AP3B1: variants seen among roughly 807,000 people sequenced by gnomAD.
The protein encoded by AP3B1 is adaptor related protein complex 3 subunit beta 1.
Under a neutral mutation model 132.5 loss-of-function variants are expected in AP3B1, and 61 were observed. The ratio of observed to expected loss-of-function variants is 0.46; its 90% CI spans 0.37 to 0.57. AP3B1 has a LOEUF of 0.57. Among genes scored for constraint, AP3B1 ranks in the 20% least tolerant of loss-of-function variants. The pLI, the probability that AP3B1 is intolerant of heterozygous loss-of-function variation, is 0.00. For missense variants in AP3B1, 1,120 were observed against 1,289.4 expected, an observed-to-expected ratio of 0.87 and a Z score of 2.01; for synonymous variants, 388 against 438.3, an observed-to-expected ratio of 0.89 and a Z score of 1.43.
intron 19 of AP3B1, among the ~76,000 whole-genome samples, chr5:78,113,381 AG>A (rs1172124691): frequency 6.6e-6 from 1 of 152,232 alleles, no homozygotes; most frequent in Non-Finnish European, 1.5e-5. Context: ...AACATTATTT[AG>A]AAAAATCAAT....
intron 2 of AP3B1, among the ~76,000 whole-genome samples, chr5:78,244,960 A>G (rs151218144): frequency 0.015 from 2,250 of 152,084 alleles, 55 homozygotes; most frequent in African/African-American, 0.051. Context: ...GCACCCCTGC[A>G]CTCCAGCGTG....
At chr5:78,192,259 A>C (rs1343797782) in intron 7 of AP3B1, among the ~76,000 whole-genome samples, 1 of 152,182 alleles carries the variant, frequency 6.6e-6, no homozygotes, top group African/African-American at 2.4e-5. Flanking sequence ...AAAAGCAAAA[A>C]TAGGGAATCT....
At chr5:78,129,403 G>T (rs1397022685) in intron 15 of AP3B1, 96 bp from the exon 16 acceptor site, 4 of 1,064,746 alleles carry the variant, frequency 3.8e-6, no homozygotes, top group African/African-American at 1.6e-5. Context: ...AAAATGAATG[G>T]TTATGTCAAA....
chr5:78,120,290 A>G (rs1265488929), intron 17 of AP3B1, among the ~76,000 whole-genome samples: 1 of 152,220 alleles, frequency 6.6e-6, no homozygotes, highest in Non-Finnish European at 1.5e-5. Context: ...TCAACTAACG[A>G]GCAAAATAAC....
intron 15 of AP3B1, among the ~76,000 whole-genome samples, chr5:78,135,316 C>CA (rs1185723728): frequency 6.6e-6 from 1 of 151,758 alleles, no homozygotes; most frequent in Non-Finnish European, 1.5e-5. Flanking sequence ...TGATATTAAG[C>CA]AAAAAAAGTT....
intron 3 of AP3B1, among the ~76,000 whole-genome samples, chr5:78,229,368 G>GT (rs772509650): frequency 7.9e-5 from 12 of 152,142 alleles, no homozygotes; most frequent in Non-Finnish European, 1.5e-4. Context: ...TTTATAGCCT[G>GT]TATCTACCTT....
intron 2 of AP3B1, among the ~76,000 whole-genome samples, chr5:78,258,380 G>A (rs751321376): frequency 1.3e-5 from 2 of 152,160 alleles, no homozygotes; most frequent in Non-Finnish European, 2.9e-5. Context: ...CAAAAGATTT[G>A]AAAAGACGTT....
intron 13 of AP3B1, among the ~76,000 whole-genome samples, chr5:78,162,128 AT>A (rs560335609): frequency 8.4e-4 from 128 of 152,234 alleles, no homozygotes; most frequent in African/African-American, 3.1e-3. Flanking sequence ...AAACAAAATT[AT>A]TTTAAAGGTA....
In AP3B1 at chr5:78,265,470, A is replaced by G. The variant is rs542710989; in HGVS notation, c.204+2050T>C. On this transcript the variant is annotated intron_variant, in intron 2 of 26. Transcript: ENST00000255194. ...AAAAAACAAAAAAAAAGGCAAAGAAAATGAACTTATCAAGAGTGGTTTGAA... is the reference window on the plus strand; with the variant it reads ...AAAAAACAAAAAAAAAGGCAAAGAAGATGAACTTATCAAGAGTGGTTTGAA... 2.0e-4 allele frequency among the ~76,000 whole-genome samples: 31 copies of G among 152,166 alleles called. No homozygotes were observed. The South Asian group carries it at 6.4e-3, about 32-fold the overall frequency.
At chr5:78,036,479 T>C (rs1186828587) in intron 23 of AP3B1, among the ~76,000 whole-genome samples, 1 of 152,172 alleles carries the variant, frequency 6.6e-6, no homozygotes, top group Non-Finnish European at 1.5e-5. Context: ...TACTTTGATG[T>C]AACAGTTGTA....
intron 17 of AP3B1, among the ~76,000 whole-genome samples, chr5:78,121,363 T>C (rs374982159): frequency 6.6e-6 from 1 of 151,682 alleles, no homozygotes; most frequent in Non-Finnish European, 1.5e-5. Flanking sequence ...CTGAAGGAAA[T>C]AGAGACAGAA....
At chr5:78,127,154 T>A (rs1391031740) in intron 17 of AP3B1, among the ~76,000 whole-genome samples, 1 of 152,150 alleles carries the variant, frequency 6.6e-6, no homozygotes, top group African/African-American at 2.4e-5. Context: ...TAATAAAGGT[T>A]TTCTTCCACT....
chr5:78,085,620 T>C (rs1750210266), intron 22 of AP3B1, among the ~76,000 whole-genome samples: 1 of 152,182 alleles, frequency 6.6e-6, no homozygotes, highest in South Asian at 2.1e-4. Flanking sequence ...TCTAGTCCTT[T>C]TGCTCATTTT....
At chr5:78,104,665 A>T (rs1317521425) in intron 20 of AP3B1, among the ~76,000 whole-genome samples, 1 of 152,162 alleles carries the variant, frequency 6.6e-6, no homozygotes, top group Non-Finnish European at 1.5e-5. Context: ...CTTATCCATG[A>T]TTTATTTCAC....
At chr5:78,057,250 T>C (rs941735688) in intron 22 of AP3B1, among the ~76,000 whole-genome samples, 6 of 152,316 alleles carry the variant, frequency 3.9e-5, no homozygotes, top group East Asian at 1.9e-4. Context: ...GCTCCTCTTC[T>C]GTAGTCTTTA....
intron 13 of AP3B1, among the ~76,000 whole-genome samples, chr5:78,159,963 T>C (rs1249096080): frequency 1.3e-5 from 2 of 152,200 alleles, no homozygotes; most frequent in Admixed American, 1.3e-4. Context: ...ACTATCATAC[T>C]CATTTTACAA....
intron 12 of AP3B1, among the ~76,000 whole-genome samples, chr5:78,163,438 T>C (rs1378894601): frequency 1.3e-5 from 2 of 151,992 alleles, no homozygotes; most frequent in African/African-American, 2.4e-5. Flanking sequence ...TCTATCACAA[T>C]GGTTGTAAAA....
At chr5:78,114,049 G>T in intron 18 of AP3B1, 126 bp from the exon 19 acceptor site, 2 of 1,054,058 alleles carry the variant, frequency 1.9e-6, no homozygotes, top group Non-Finnish European at 2.8e-6. Context: ...GACACCACTT[G>T]TTTAACATTT....
At chr5:78,137,740 ACTG>A (rs1417737352) in intron 15 of AP3B1, among the ~76,000 whole-genome samples, 1 of 152,218 alleles carries the variant, frequency 6.6e-6, no homozygotes, top group African/African-American at 2.4e-5. Flanking sequence ...CTCAAAACAG[ACTG>A]CTAACTAATT....
Sources: allele counts gnomAD v4.1 joint callset (sites outside exome capture counted in the v4.1 genomes callset), GRCh38; gene constraint gnomAD v4.1.1; transcripts MANE v1.5; gene names NCBI Gene and HGNC (gene_info 2026-07-23, HGNC 2026-07-21).